CDC42BPB: variants seen among roughly 807,000 people sequenced by gnomAD.
CDC42BPB encodes the protein serine/threonine-protein kinase MRCK beta.
In CDC42BPB, 37 loss-of-function variants were observed where a neutral mutation model predicts 214.9. The observed-to-expected ratio is 0.17, with a 90% CI of 0.13 to 0.23. The LOEUF (loss-of-function observed/expected upper bound fraction) is 0.23, where lower values mean the gene tolerates loss of function less well. CDC42BPB is among the 10% of genes least tolerant of loss of function. The pLI, the probability that CDC42BPB is intolerant of heterozygous loss-of-function variation, is 1.00. For missense variants in CDC42BPB, 1,694 were observed against 2,227.0 expected, an observed-to-expected ratio of 0.76 and a Z score of 4.82; for synonymous variants, 931 against 884.0, an observed-to-expected ratio of 1.05 and a Z score of -0.94.
At chr14:102,985,713 T>G (rs149872215) in intron 6 of CDC42BPB, among the ~76,000 whole-genome samples, 5 of 152,250 alleles carry the variant, frequency 3.3e-5, no homozygotes, top group African/African-American at 1.2e-4. Flanking sequence ...CTCGGAAAAC[T>G]ATTTGATGTT....
At position 103,053,560 on chromosome 14, in the gene CDC42BPB, G is replaced by C. The variant is rs576461269; in HGVS notation, c.175+3439C>G. ...GCAGATCACGAGGTCTGGAGATCGA[G>C]ACCATCCTGGCTAACACGGTGAAAC... On this transcript the variant is annotated intron_variant, in intron 1 of 36. Coordinates refer to ENST00000361246, the MANE Select transcript of CDC42BPB (RefSeq NM_006035.4). Among the ~76,000 whole-genome samples, 1,328 of 151,668 alleles carry C rather than the reference G, an allele frequency of 8.8e-3. 14 individuals are homozygous for C. The highest frequency in any genetic ancestry group is 0.011 in the East Asian group (53 of 5,020).
In CDC42BPB at chr14:102,941,084, T is replaced by C. The variant is rs1891869835; in HGVS notation, c.4409-760A>G. On this transcript the variant is annotated intron_variant, in intron 30 of 36. Coordinates refer to ENST00000361246, the MANE Select transcript of CDC42BPB (RefSeq NM_006035.4). ...ACGTTTAGAAGAGCAGTGACACAGC[T>C]GTGCCACACGACAAGGGAGCGGTGT... The C allele has an allele frequency of 1.8e-5, 18 of 975,122 alleles. No homozygotes were observed. The South Asian group carries it at 5.7e-4, about 31-fold the overall frequency. The allele number at this position is 975,122 out of a possible 1,614,324, so 60.4% of individuals were successfully genotyped here. A position where few individuals can be genotyped will look rare whatever the true frequency, so the allele number is the denominator to read the frequency against.
In CDC42BPB at chr14:103,010,757, C is replaced by T. The variant is rs1333795822; in HGVS notation, c.267+1340G>A. Among the ~76,000 whole-genome samples, 24 of 152,214 alleles carry T rather than the reference C, an allele frequency of 1.6e-4. 1 individual carries two copies. The highest frequency in any genetic ancestry group is 1.5e-5 in the Non-Finnish European group (1 of 68,048). On this transcript the variant is annotated intron_variant, in intron 2 of 36. Transcript: ENST00000361246. Reference sequence around the variant, plus strand: ...GTTTAAGAAGCAAAACTTGGCCAGGCGCGGTGGCTCACGCCTGTAATCCCA... The same window carrying T: ...GTTTAAGAAGCAAAACTTGGCCAGGTGCGGTGGCTCACGCCTGTAATCCCA...
intron 34 of CDC42BPB, 65 bp from the exon 35 acceptor site, chr14:102,938,476 T>C: frequency 6.7e-7 from 1 of 1,502,938 alleles, no homozygotes; most frequent in South Asian, 1.3e-5. Flanking sequence ...CTGCGAAGTT[T>C]GTGCAACCTA....
chr14:102,950,419 G>A, intron 25 of CDC42BPB, 47 bp downstream of exon 25: 1 of 1,605,298 alleles, frequency 6.2e-7, no homozygotes, highest in African/African-American at 1.3e-5. Context: ...ATTGGTCACT[G>A]CACCTCACAG....
chr14:102,947,488 G>C (rs1892235582), intron 27 of CDC42BPB, among the ~76,000 whole-genome samples: 1 of 152,168 alleles, frequency 6.6e-6, no homozygotes. Flanking sequence ...TAGGAGAAGG[G>C]AGGGTCAGTG....
At chr14:103,041,652 A>G (rs1390700455) in intron 1 of CDC42BPB, 2 of 618,748 alleles carry the variant, frequency 3.2e-6, no homozygotes, top group African/African-American at 1.8e-5. Flanking sequence ...GGTGCCGCAC[A>G]GTGCGAAATC....
rs1893416874 is a variant in CDC42BPB, at chr14:102,970,270, G to A, written c.1885-9C>T. 6.2e-7 allele frequency: 1 copy of A among 1,606,892 alleles called. No individual in the cohort carries two copies. The highest frequency in any genetic ancestry group is 1.7e-5 in the Admixed American group (1 of 59,376). On this transcript the variant is annotated splice_polypyrimidine_tract_variant and intron_variant, in intron 13 of 36. Coordinates refer to ENST00000361246, the MANE Select transcript of CDC42BPB (RefSeq NM_006035.4). ...TCAAGCTGAGCTTCCAGCTACAAAA[G>A]GAAGATCCAGTTTCTATTAACAAAA...
chr14:102,999,924 G>C lies in CDC42BPB; in HGVS notation c.448-211C>G, dbSNP rs35840695. 6.5e-3 allele frequency: 6,404 copies of C among 985,060 alleles called. 12 individuals carry two copies. Among genetic ancestry groups the C allele is most frequent in the Non-Finnish European group, 7.0e-3 (5,839 of 829,596 alleles). The allele number at this position is 985,060 out of a possible 1,614,324, so 61.0% of individuals were successfully genotyped here. A position where few individuals can be genotyped will look rare whatever the true frequency, so the allele number is the denominator to read the frequency against. ...CATCTTCAGGGGTGCATATGGCAGA[G>C]AGTGGACTTCAGTAAGTGATGTATT... On this transcript the variant is annotated intron_variant, in intron 4 of 36. Transcript: ENST00000361246.
At chr14:103,021,011 C>A (rs1293157724) in intron 1 of CDC42BPB, among the ~76,000 whole-genome samples, 1 of 152,240 alleles carries the variant, frequency 6.6e-6, no homozygotes, top group African/African-American at 2.4e-5. Context: ...CACAAGCCCT[C>A]TTAACCCCAA....
intron 1 of CDC42BPB, among the ~76,000 whole-genome samples, chr14:103,036,058 G>C (rs1194136759): frequency 2.6e-5 from 4 of 151,896 alleles, no homozygotes; most frequent in South Asian, 2.1e-4. Context: ...TGCTGAGGTG[G>C]AAGGATCACC....
Position 102,932,877 on chromosome 14 carries a change from G to T in CDC42BPB, c.*835C>A, listed in dbSNP as rs1891449551. On this transcript the variant is annotated 3_prime_UTR_variant, in exon 37 of 37. Transcript: ENST00000361246. ...GCTCCATGCGGGGGCAGGACTGGTG[G>T]GGGGGGGGGCGGGCAGGGCGGGGCG... The T allele has an allele frequency of 9.7e-6, 1 of 103,476 alleles. No homozygotes were observed. The highest frequency in any genetic ancestry group is 3.3e-5 in the African/African-American group (1 of 30,442). 6.4% of individuals were successfully genotyped at this position (103,476 alleles called of 1,614,324 possible).
At chr14:103,036,738 T>C (rs960765552) in intron 1 of CDC42BPB, among the ~76,000 whole-genome samples, 6 of 152,202 alleles carry the variant, frequency 3.9e-5, no homozygotes, top group Admixed American at 2.6e-4. Context: ...CAATAAAAAA[T>C]AGCCAAACTA....
intron 18 of CDC42BPB, among the ~76,000 whole-genome samples, chr14:102,965,397 A>AAAAAAAAAAAAAAAAC: frequency 7.8e-6 from 1 of 127,962 alleles, no homozygotes; most frequent in Non-Finnish European, 1.6e-5. Context: ...TTAAAAAAAA[A>AAAAAAAAAAAAAAAAC]AAAAAAAAAA....
At chr14:102,941,946 C>A (rs777715724) in intron 30 of CDC42BPB, among the ~76,000 whole-genome samples, 4 of 152,228 alleles carry the variant, frequency 2.6e-5, no homozygotes, top group Non-Finnish European at 2.9e-5. Context: ...TGCACTGTGC[C>A]CGCAGGAGAG....
chr14:102,953,286 G>A (rs1386901695), intron 23 of CDC42BPB, among the ~76,000 whole-genome samples: 2 of 152,268 alleles, frequency 1.3e-5, no homozygotes, highest in African/African-American at 2.4e-5. Context: ...AGCTGTGGGG[G>A]AAGAGGCTGG....
At chr14:102,989,007 A>G (rs1894376106) in intron 5 of CDC42BPB, among the ~76,000 whole-genome samples, 1 of 152,196 alleles carries the variant, frequency 6.6e-6, no homozygotes, top group South Asian at 2.1e-4. Context: ...TCAAAAAACA[A>G]ATGGCAAATT....
chr14:102,984,366 T>C (rs1449384859), intron 6 of CDC42BPB, among the ~76,000 whole-genome samples: 2 of 152,152 alleles, frequency 1.3e-5, no homozygotes, highest in Non-Finnish European at 2.9e-5. Context: ...GCATTTCTAA[T>C]AAGCTTCTGG....
chr14:102,969,216 G>T lies in CDC42BPB; in HGVS notation c.1996-500C>A, dbSNP rs35571549. 5.1e-4 allele frequency among the ~76,000 whole-genome samples: 77 copies of T among 152,382 alleles called. 1 individual carries two copies. In the East Asian group the frequency reaches 0.011, roughly 22 times the overall value. On this transcript the variant is annotated intron_variant, in intron 14 of 36. Transcript: ENST00000361246. ...GTCAGGCTAGGGGCAAAGAACAAGG[G>T]CACAGGCTGGAGTGAGGTGGGACGT... is the stretch of plus-strand genomic sequence containing the variant.
Sources: gnomAD v4.1 joint callset for allele counts (sites outside exome capture counted in the v4.1 genomes callset) on GRCh38, gnomAD v4.1.1 for gene constraint, MANE v1.5 for transcripts, NCBI Gene and HGNC (gene_info 2026-07-23, HGNC 2026-07-21) for gene names.